The following NKAIN2 variants were observed in gnomAD, a reference collection of about 807,000 sequenced individuals.
NKAIN2 encodes sodium/potassium transporting ATPase interacting 2.
In NKAIN2, 14 loss-of-function variants were observed where a neutral mutation model predicts 32.6. The ratio of observed to expected loss-of-function variants is 0.43; its 90% CI spans 0.28 to 0.67. The LOEUF is 0.67. Among genes scored for constraint, NKAIN2 ranks in the 30% least tolerant of loss-of-function variants. The pLI is 0.17. For synonymous variants in NKAIN2, 80 were observed against 87.2 expected (o/e 0.92, Z 0.46); for missense variants, 198 against 258.3 (o/e 0.77, Z 1.60).
chr6:123,984,102 T>G (rs1779027223), intron 1 of NKAIN2, among the ~76,000 whole-genome samples: 1 of 152,096 alleles, frequency 6.6e-6, no homozygotes, highest in South Asian at 2.1e-4. Context: ...AGACAGAGTT[T>G]CACCATGTTG....
At chr6:123,938,185 T>A (rs899511382) in intron 1 of NKAIN2, among the ~76,000 whole-genome samples, 1 of 151,594 alleles carries the variant, frequency 6.6e-6, no homozygotes, top group East Asian at 1.9e-4. Flanking sequence ...TGGCTTAGAA[T>A]TGAATAAGCT....
At chr6:124,623,334 G>A (rs1435696797) in intron 3 of NKAIN2, among the ~76,000 whole-genome samples, 1 of 152,220 alleles carries the variant, frequency 6.6e-6, no homozygotes, top group East Asian at 1.9e-4. Flanking sequence ...CATTTCATTT[G>A]TAAAGAAAAG....
intron 4 of NKAIN2, among the ~76,000 whole-genome samples, chr6:124,665,844 T>C (rs1419713655): frequency 6.6e-6 from 1 of 152,174 alleles, no homozygotes; most frequent in African/African-American, 2.4e-5. Context: ...ACAACTAGCC[T>C]TTTATCAGAT....
chr6:124,293,388 A>AT (rs1471999632), intron 2 of NKAIN2, among the ~76,000 whole-genome samples: 1 of 151,996 alleles, frequency 6.6e-6, no homozygotes, highest in South Asian at 2.1e-4. Flanking sequence ...TAAAAATGCA[A>AT]TTAATTTATA....
At chr6:124,601,126 G>A (rs1233350331) in intron 3 of NKAIN2, among the ~76,000 whole-genome samples, 1 of 152,024 alleles carries the variant, frequency 6.6e-6, no homozygotes, top group African/African-American at 2.4e-5. Flanking sequence ...CTCTGATCAA[G>A]CTCTATGCAT....
At chr6:124,432,737 C>T (rs1198343788) in intron 3 of NKAIN2, among the ~76,000 whole-genome samples, 3 of 152,076 alleles carry the variant, frequency 2.0e-5, no homozygotes, top group African/African-American at 7.2e-5. Flanking sequence ...TCTATGGCCA[C>T]CAACAAGGAT....
chr6:123,962,827 C>T (rs547400359), intron 1 of NKAIN2, among the ~76,000 whole-genome samples: 6 of 152,300 alleles, frequency 3.9e-5, no homozygotes, highest in South Asian at 2.1e-4. Context: ...TAACGCTGTA[C>T]GTACAGCTTG....
At chr6:124,559,982 C>T (rs1159404108) in intron 3 of NKAIN2, among the ~76,000 whole-genome samples, 12 of 151,756 alleles carry the variant, frequency 7.9e-5, no homozygotes, top group Non-Finnish European at 1.3e-4. Flanking sequence ...ACAACGTTAA[C>T]ACCCAGTCAA....
chr6:124,086,621 A>G (rs1234820628), intron 1 of NKAIN2, among the ~76,000 whole-genome samples: 1 of 151,942 alleles, frequency 6.6e-6, no homozygotes. Flanking sequence ...GCATCACTAT[A>G]GATCTCATGG....
At chr6:124,347,736 C>T (rs766935824) in intron 2 of NKAIN2, among the ~76,000 whole-genome samples, 14 of 152,156 alleles carry the variant, frequency 9.2e-5, no homozygotes, top group Non-Finnish European at 1.5e-5. Flanking sequence ...ATACATTCAT[C>T]TAAATTTTTT....
chr6:124,429,692 GGCAGTAAACAGGT>G (rs1775130171), intron 3 of NKAIN2, among the ~76,000 whole-genome samples: 2 of 152,164 alleles, frequency 1.3e-5, no homozygotes, highest in Non-Finnish European at 2.9e-5. Flanking sequence ...GGCTTCAAGA[GGCAGTAAACAGGT>G]GCAGTACTTC....
intron 5 of NKAIN2, among the ~76,000 whole-genome samples, chr6:124,802,040 T>G (rs560819283): frequency 6.6e-6 from 1 of 152,284 alleles, no homozygotes; most frequent in Non-Finnish European, 1.5e-5. Flanking sequence ...TTCCTGAAAT[T>G]GCTACTGTTG....
chr6:124,517,589 C>G (rs910365599), intron 3 of NKAIN2, among the ~76,000 whole-genome samples: 5 of 152,086 alleles, frequency 3.3e-5, no homozygotes, highest in Non-Finnish European at 7.4e-5. Flanking sequence ...CTACTCTGCT[C>G]CTCCTCCTTC....
At chr6:124,508,560 G>A (rs1474349300) in intron 3 of NKAIN2, among the ~76,000 whole-genome samples, 1 of 151,868 alleles carries the variant, frequency 6.6e-6, no homozygotes, top group Non-Finnish European at 1.5e-5. Context: ...AGCCAGAATG[G>A]TCTCGATCTC....
chr6:124,286,257 T>TTA (rs1488169320), intron 2 of NKAIN2, among the ~76,000 whole-genome samples: 1 of 152,138 alleles, frequency 6.6e-6, no homozygotes, highest in East Asian at 1.9e-4. Flanking sequence ...GCCTTTAATG[T>TTA]TATACATTAT....
intron 1 of NKAIN2, among the ~76,000 whole-genome samples, chr6:123,881,707 A>C (rs1773460847): frequency 6.6e-6 from 1 of 152,192 alleles, no homozygotes; most frequent in Non-Finnish European, 1.5e-5. Flanking sequence ...ATGGGAGTTC[A>C]AAGCATGAAA....
intron 1 of NKAIN2, among the ~76,000 whole-genome samples, chr6:123,834,665 C>A (rs1033926087): frequency 6.6e-6 from 1 of 152,188 alleles, no homozygotes. Flanking sequence ...AATAGAAAAG[C>A]TTTGACTTTC....
At chr6:123,951,937 T>C (rs1353726645) in intron 1 of NKAIN2, among the ~76,000 whole-genome samples, 2 of 151,956 alleles carry the variant, frequency 1.3e-5, no homozygotes, top group African/African-American at 4.8e-5. Context: ...CGGTTTTCTA[T>C]AGTGGTAACA....
chr6:123,981,268 G>C (rs1460579609), intron 1 of NKAIN2, among the ~76,000 whole-genome samples: 3 of 152,094 alleles, frequency 2.0e-5, no homozygotes, highest in African/African-American at 7.2e-5. Context: ...GGTAAAGAAA[G>C]CTTTTTCATG....
Sources: allele counts gnomAD v4.1 joint callset (sites outside exome capture counted in the v4.1 genomes callset), GRCh38; gene constraint gnomAD v4.1.1; transcripts MANE v1.5; gene names NCBI Gene and HGNC (gene_info 2026-07-23, HGNC 2026-07-21).